The following GLRX variants were observed in gnomAD, a reference collection of about 807,000 sequenced individuals.
GLRX encodes the protein glutaredoxin-1.
A neutral mutation model predicts 11.1 loss-of-function variants in GLRX; 9 were observed. The ratio of observed to expected loss-of-function variants is 0.81; its 90% CI spans 0.49 to 1.42. The LOEUF (loss-of-function observed/expected upper bound fraction) is 1.42, where lower values mean the gene tolerates loss of function less well. Among genes scored for constraint, GLRX ranks in the 40% most tolerant of loss-of-function variants. GLRX has a pLI of 0.00. For synonymous variants in GLRX, 49 were observed against 49.5 expected, an observed-to-expected ratio of 0.99 and a Z score of 0.04; for missense variants, 102 against 126.2, an observed-to-expected ratio of 0.81 and a Z score of 0.92.
intron 1 of GLRX, chr5:95,819,436 G>A (rs1010551245): frequency 3.3e-5 from 5 of 152,192 alleles, no homozygotes; most frequent in African/African-American, 9.7e-5. Context: ...TCTATGTAAA[G>A]AAAAGTGCAT....
At chr5:95,822,268 T>C in intron 1 of GLRX, 188 bp downstream of exon 1, 1 of 607,440 alleles carries the variant, frequency 1.6e-6, no homozygotes, top group Non-Finnish European at 2.9e-6. Context: ...GACCTTTGGC[T>C]GCAGTGCCGC....
chr5:95,815,732 C>T (rs914966590), intron 2 of GLRX, among the ~76,000 whole-genome samples: 1 of 152,180 alleles, frequency 6.6e-6, no homozygotes, highest in Admixed American at 6.5e-5. Context: ...TTCCACAGAG[C>T]CAAAGATCTC....
In GLRX at chr5:95,816,616, A is replaced by G; in HGVS notation, c.218T>C (p.Val73Ala). The G allele has an allele frequency of 6.4e-7, 1 of 1,563,716 alleles. No homozygotes were observed. The highest frequency in any genetic ancestry group is 1.1e-5 in the South Asian group (1 of 90,104). Residue 73 changes from valine (V) to alanine (A), a missense_variant, in exon 2 of 3, where the codon GTC (valine) becomes GCC (alanine). Transcript: ENST00000237858. ...QLTGARTVPRVFIGKDCIGGC... is the reference protein window; with the variant it reads ...QLTGARTVPRAFIGKDCIGGC... The stretch of plus-strand genomic sequence containing the variant: ...GCCTATACAATCTTTACCAATAAAG[A>G]CTCGAGGCACCTAAAAAAGCACACG...
At chr5:95,822,214 C>A in intron 1 of GLRX, 1 of 555,692 alleles carries the variant, frequency 1.8e-6, no homozygotes. Context: ...ACTTACCCTG[C>A]CGCACAGCAG....
At chr5:95,816,795 T>C (rs1432682212) in intron 1 of GLRX, 169 bp from the exon 2 acceptor site, 4 of 517,712 alleles carry the variant, frequency 7.7e-6, no homozygotes, top group African/African-American at 3.9e-5. Context: ...GGGGTAACAT[T>C]ATTAACTCGA....
Position 95,822,517 on chromosome 5 carries a change from G to A in GLRX, c.146C>T (p.Thr49Ile), listed in dbSNP as rs1454324442. The A allele has an allele frequency of 6.2e-7, 1 of 1,613,954 alleles. No homozygotes were observed. The highest frequency in any genetic ancestry group is 2.2e-5 in the East Asian group (1 of 44,892). The change falls in exon 1 of 3, where the codon ACA becomes ATA. Residue 49 changes from threonine to isoleucine, a missense_variant. By Grantham distance (89) the Thr-to-Ile change is moderately conservative. Transcript: ENST00000237858. ...AATCTCGTTAGTGTGGTTGGTGGCT[G>A]TGATATCGACAAATTCCAGAAGCCC... ...KQGLLEFVDI[T>I]ATNHTNEIQD...
intron 1 of GLRX, among the ~76,000 whole-genome samples, chr5:95,821,110 C>T (rs929607704): frequency 3.9e-5 from 6 of 152,094 alleles, no homozygotes; most frequent in Non-Finnish European, 7.4e-5. Context: ...TCAAAACAAA[C>T]GAACAAACAA....
At chr5:95,815,601 C>T (rs1746962175) in intron 2 of GLRX, among the ~76,000 whole-genome samples, 1 of 152,230 alleles carries the variant, frequency 6.6e-6, no homozygotes, top group Admixed American at 6.5e-5. Flanking sequence ...GGGTACAGGT[C>T]TCTGAATTGG....
intron 1 of GLRX, among the ~76,000 whole-genome samples, chr5:95,820,749 T>C (rs1747202250): frequency 6.6e-6 from 1 of 150,798 alleles, no homozygotes. Context: ...CTTTACCTCC[T>C]GGAAAATAGA....
At chr5:95,822,420 G>A (rs1580449909) in intron 1 of GLRX, 36 bp downstream of exon 1, 2 of 1,480,904 alleles carry the variant, frequency 1.4e-6, no homozygotes, top group African/African-American at 1.4e-5. Flanking sequence ...AAGGCAATCC[G>A]GGAGCCTTTC....
intron 1 of GLRX, chr5:95,822,185 C>A (rs1747264541): frequency 3.8e-6 from 2 of 520,736 alleles, no homozygotes; most frequent in Non-Finnish European, 7.0e-6. Flanking sequence ...CAGGGACTCA[C>A]CGGCAAGCTG....
chr5:95,816,525 T>A lies in GLRX; in HGVS notation c.309A>T (p.Gly103=). The A allele has an allele frequency of 6.4e-7, 1 of 1,570,548 alleles. No homozygotes were observed. Among genetic ancestry groups the A allele is most frequent in the Middle Eastern group, 1.7e-4 (1 of 5,934 alleles). Reference sequence around the variant, plus strand: ...CACTCACCTGTGGTTACTGCAGAGCTCCAATCTGCTTTAGCCGCGTCAGCA... The same window carrying A: ...CACTCACCTGTGGTTACTGCAGAGCACCAATCTGCTTTAGCCGCGTCAGCA... ...GELLTRLKQI[G]ALQ is the part of the protein sequence containing the mutation. The change falls in exon 2 of 3, where the codon GGA becomes GGT. Residue 103 remains glycine, a synonymous_variant. Coordinates refer to ENST00000237858, the MANE Select transcript of GLRX (RefSeq NM_001118890.2).
chr5:95,813,996 T>A lies in GLRX; in HGVS notation c.*400A>T, dbSNP rs977825688. 7.2e-5 allele frequency: 11 copies of A among 152,150 alleles called. No individual in the cohort carries two copies. The highest frequency in any genetic ancestry group is 6.2e-4 in the South Asian group (3 of 4,828). The allele number at this position is 152,150 out of a possible 1,614,324, so 9.4% of individuals were successfully genotyped here. On this transcript the variant is annotated 3_prime_UTR_variant, in exon 3 of 3. Coordinates refer to ENST00000237858, the MANE Select transcript of GLRX (RefSeq NM_001118890.2). Reference sequence around the variant, plus strand: ...CACTGAATCATCTATAGGTTTTTTTTATTAGAAAAGAAATTAAGTGTTGTC... The same window carrying A: ...CACTGAATCATCTATAGGTTTTTTTAATTAGAAAAGAAATTAAGTGTTGTC...
intron 1 of GLRX, among the ~76,000 whole-genome samples, chr5:95,821,422 C>T (rs1747232644): frequency 6.6e-6 from 1 of 151,976 alleles, no homozygotes; most frequent in African/African-American, 2.4e-5. Context: ...GGATAACACA[C>T]TAAGCCCCCT....
Position 95,819,905 on chromosome 5 carries a change from A to AAAAC in GLRX, c.207+2550_207+2551insGTTT, listed in dbSNP as rs1554071327. Among the ~76,000 whole-genome samples the AAAAC allele has an allele frequency of 2.7e-5, 4 of 150,642 alleles. No individual in the cohort carries two copies. In the East Asian group the frequency reaches 5.8e-4, roughly 22 times the overall value. On this transcript the variant is annotated intron_variant, in intron 1 of 2. Transcript: ENST00000237858. ...AGAGGGAGACTCCGTCTCAAAAAAAAAAAAAAAAAAAAAAAAACCCTCGGG... is the reference window on the plus strand; with the variant it reads ...AGAGGGAGACTCCGTCTCAAAAAAAAAAACAAAAAAAAAAAAAAAAACCCTCGGG...
At chr5:95,820,244 G>A (rs1361375644) in intron 1 of GLRX, among the ~76,000 whole-genome samples, 2 of 151,470 alleles carry the variant, frequency 1.3e-5, no homozygotes, top group Non-Finnish European at 2.9e-5. Flanking sequence ...TCCCAGCCAC[G>A]GGAGGCTGAG....
chr5:95,822,414 C>T lies in GLRX; in HGVS notation c.207+42G>A, dbSNP rs536819175. 315 of 1,493,202 alleles carry T rather than the reference C, an allele frequency of 2.1e-4. 5 individuals carry two copies. In the South Asian group the frequency reaches 3.4e-3, roughly 16 times the overall value. 92.5% of individuals were successfully genotyped at this position (1,493,202 alleles called of 1,614,324 possible). On this transcript the variant is annotated intron_variant, in intron 1 of 2. Transcript: ENST00000237858. ...AAGGCACAGCTCTGACAAGAAAAGG[C>T]AATCCGGGAGCCTTTCCCTAGCCGT...
At chr5:95,821,069 C>T (rs1747217995) in intron 1 of GLRX, among the ~76,000 whole-genome samples, 1 of 152,192 alleles carries the variant, frequency 6.6e-6, no homozygotes, top group Non-Finnish European at 1.5e-5. Context: ...CACCATTGCA[C>T]TCCAGCCTGG....
At position 95,822,387 on chromosome 5, in the gene GLRX, G is replaced by C; in HGVS notation, c.207+69C>G. 4 of 1,224,228 alleles carry C rather than the reference G, an allele frequency of 3.3e-6. No individual in the cohort carries two copies. In the South Asian group the frequency reaches 4.8e-5, roughly 15 times the overall value. 75.8% of individuals were successfully genotyped at this position (1,224,228 alleles called of 1,614,324 possible). A position where few individuals can be genotyped will look rare whatever the true frequency, so the allele number is the denominator to read the frequency against. ...TACGGAGCCGCAGCCTTATCCTAAA[G>C]AAAGGCACAGCTCTGACAAGAAAAG... On this transcript the variant is annotated intron_variant, in intron 1 of 2. Coordinates refer to ENST00000237858, the MANE Select transcript of GLRX (RefSeq NM_001118890.2).
Sources: allele counts gnomAD v4.1 joint callset (sites outside exome capture counted in the v4.1 genomes callset), GRCh38; gene constraint gnomAD v4.1.1; transcripts MANE v1.5; gene names NCBI Gene and HGNC (gene_info 2026-07-23, HGNC 2026-07-21).